Variants in RGS12 observed in about 807,000 individuals in gnomAD.
RGS12 encodes the protein regulator of G-protein signaling 12.
In RGS12, 66 loss-of-function variants were observed where a neutral mutation model predicts 120.1. The ratio of observed to expected loss-of-function variants is 0.55; its 90% CI spans 0.45 to 0.67. The LOEUF is 0.67. RGS12 is among the 30% of genes least tolerant of loss of function. The pLI, the probability that RGS12 is intolerant of heterozygous loss-of-function variation, is 0.00. For missense variants in RGS12, 1,859 were observed against 1,957.7 expected (o/e 0.95, Z 0.95); for synonymous variants, 827 against 804.7 (o/e 1.03, Z -0.47).
At chr4:3,412,368 A>G (rs1721832180) in intron 4 of RGS12, among the ~76,000 whole-genome samples, 3 of 152,356 alleles carry the variant, frequency 2.0e-5, no homozygotes, top group Admixed American at 6.5e-5. Flanking sequence ...ACGTCTGCAG[A>G]CTGGGCTGAA....
intron 3 of RGS12, among the ~76,000 whole-genome samples, chr4:3,350,041 G>A (rs1714214408): frequency 1.3e-5 from 2 of 152,152 alleles, no homozygotes; most frequent in Admixed American, 6.5e-5. Flanking sequence ...TATAGAAAAA[G>A]CTAGTCTTCA....
chr4:3,324,397 C>A, intron 2 of RGS12: 1 of 221,734 alleles, frequency 4.5e-6, no homozygotes, highest in South Asian at 5.8e-5. Flanking sequence ...GTGGGGATGT[C>A]CCCTGTGCCA....
intron 3 of RGS12, among the ~76,000 whole-genome samples, chr4:3,381,225 A>G (rs1018280281): frequency 8.5e-5 from 13 of 152,146 alleles, no homozygotes; most frequent in African/African-American, 2.9e-4. Flanking sequence ...CGTTGTCCAT[A>G]TCACTGTCAG....
Position 3,428,081 on chromosome 4 carries a change from T to TA in RGS12, c.3332-8dup. 1 of 1,612,502 alleles carries TA rather than the reference T, an allele frequency of 6.2e-7. No homozygotes were observed. The highest frequency in any genetic ancestry group is 8.5e-7 in the Non-Finnish European group (1 of 1,178,794). The stretch of plus-strand genomic sequence containing the variant: ...AGTCCCTGAAGTCATAAAGCTTTCT[T>TA]ATGTTTAGCATCCGCAGATAAACAG... On this transcript the variant is annotated splice_polypyrimidine_tract_variant and intron_variant, in intron 14 of 17. Transcript: ENST00000336727.
At chr4:3,425,622 C>A in intron 14 of RGS12, 62 bp downstream of exon 14, 1 of 987,358 alleles carries the variant, frequency 1.0e-6, no homozygotes, top group Non-Finnish European at 1.4e-6. Flanking sequence ...GGGGAGGGGG[C>A]TATGGAGCCG....
chr4:3,308,469 C>T (rs1197492299), intron 1 of RGS12, among the ~76,000 whole-genome samples: 4 of 152,202 alleles, frequency 2.6e-5, no homozygotes, highest in Non-Finnish European at 5.9e-5. Flanking sequence ...TGGAGCGGGG[C>T]TAGCGATTCG....
rs751687925 is a variant in RGS12 at position 3,428,223 on chromosome 4, G to A, written c.3411+54G>A. ...CCCTGCTCCTCTCGCTGTGGCCCCC[G>A]CCTGCCCTGCGCAGTGCCCTGGTGC... On this transcript the variant is annotated intron_variant, in intron 15 of 17. Coordinates refer to ENST00000336727, the MANE Select transcript of RGS12 (RefSeq NM_001394154.1). The A allele has an allele frequency of 4.2e-6, 6 of 1,444,960 alleles. No homozygotes were observed. The African/African-American group carries it at 7.1e-5, about 17-fold the overall frequency. 89.5% of individuals were successfully genotyped at this position (1,444,960 alleles called of 1,614,324 possible).
At chr4:3,368,638 GT>G (rs1340966514) in intron 3 of RGS12, among the ~76,000 whole-genome samples, 1 of 116,110 alleles carries the variant, frequency 8.6e-6, no homozygotes, top group Non-Finnish European at 1.8e-5. Context: ...ATGTGTGTGT[GT>G]GGTACGTGTG....
At chr4:3,416,486 G>A (rs569999627) in intron 7 of RGS12, among the ~76,000 whole-genome samples, 2 of 152,316 alleles carry the variant, frequency 1.3e-5, no homozygotes, top group African/African-American at 4.8e-5. Flanking sequence ...TGGGCATTAG[G>A]CCCCAGGCTA....
chr4:3,420,819 G>C lies in RGS12; in HGVS notation c.2838+101G>C, dbSNP rs938517264. On this transcript the variant is annotated intron_variant, in intron 10 of 17. Coordinates refer to ENST00000336727, the MANE Select transcript of RGS12 (RefSeq NM_001394154.1). ...TGGAAACCTGTGTTTACAAAACTCA[G>C]CGTTCACTTTGTAAAGCTGGGGGAC... The C allele has an allele frequency of 1.7e-4, 177 of 1,056,196 alleles. 1 individual carries two copies. Among genetic ancestry groups the C allele is most frequent in the Non-Finnish European group, 1.8e-4 (127 of 721,790 alleles). The allele number at this position is 1,056,196 out of a possible 1,614,324, so 65.4% of individuals were successfully genotyped here.
intron 3 of RGS12, among the ~76,000 whole-genome samples, chr4:3,382,654 C>T (rs1718385731): frequency 6.6e-6 from 1 of 152,048 alleles, no homozygotes; most frequent in African/African-American, 2.4e-5. Flanking sequence ...CTCTCTCTCT[C>T]TCCTCCTTAT....
In RGS12 at chr4:3,430,645, C is replaced by T. The variant is rs116296265; in HGVS notation, c.3804C>T (p.Ser1268=). The change falls in exon 17 of 18, where the codon AGC becomes AGT. Residue 1268 remains serine, a synonymous_variant. Coordinates refer to ENST00000336727, the MANE Select transcript of RGS12 (RefSeq NM_001394154.1). ...AGTGGGAGCCAGTCCAGGAGAGCAG[C>T]GACAGCCCGTCCACCAGCCCGGGCT... ...GEQWEPVQES[S]DSPSTSPGSA... The T allele has an allele frequency of 1.2e-3, 1,857 of 1,599,404 alleles. 22 individuals carry two copies. In the African/African-American group the frequency reaches 0.022, roughly 19 times the overall value.
chr4:3,430,986 G>GC (rs777840811), intron 17 of RGS12, 31 bp downstream of exon 17: 2 of 1,605,958 alleles, frequency 1.2e-6, no homozygotes, highest in Admixed American at 3.3e-5. Context: ...CTCCACCTTG[G>GC]CCCCGTAAGC....
chr4:3,299,263 G>T (rs374192111), intron 1 of RGS12, among the ~76,000 whole-genome samples: 1 of 151,968 alleles, frequency 6.6e-6, no homozygotes, highest in Admixed American at 6.6e-5. Context: ...CAGATCTCAC[G>T]ACTGCCTCTT....
intron 2 of RGS12, among the ~76,000 whole-genome samples, chr4:3,341,051 A>G (rs965911173): frequency 4.0e-5 from 6 of 151,086 alleles, no homozygotes; most frequent in African/African-American, 1.5e-4. Context: ...GTGGGGGCCC[A>G]GTGGTGGCGT....
chr4:3,399,867 G>C (rs1201769415), intron 4 of RGS12, among the ~76,000 whole-genome samples: 7 of 152,164 alleles, frequency 4.6e-5, no homozygotes. Flanking sequence ...CTTTGTTTTT[G>C]TTCTAAGTGT....
At chr4:3,335,169 T>A (rs1712302892) in intron 2 of RGS12, among the ~76,000 whole-genome samples, 1 of 152,224 alleles carries the variant, frequency 6.6e-6, no homozygotes, top group African/African-American at 2.4e-5. Context: ...AATATTCATC[T>A]TTTTCTTTCT....
intron 1 of RGS12, among the ~76,000 whole-genome samples, chr4:3,297,001 C>G (rs1254853163): frequency 6.6e-6 from 1 of 152,232 alleles, no homozygotes; most frequent in African/African-American, 2.4e-5. Flanking sequence ...CTAGATTCTT[C>G]CATGAAGGAG....
Position 3,366,375 on chromosome 4 carries a change from C to T in RGS12, c.1999-20041C>T, listed in dbSNP as rs920738744. On this transcript the variant is annotated intron_variant, in intron 3 of 17. Coordinates refer to ENST00000336727, the MANE Select transcript of RGS12 (RefSeq NM_001394154.1). The surrounding 1 kb of genome is among the most constrained non-coding windows in gnomAD (Gnocchi z 4.0). ...CACACCTGGGCCTTTGGCTTGGCGA[C>T]CAGAGGCCTCCAGGGTTAAGAGCAG... 2.0e-5 allele frequency among the ~76,000 whole-genome samples: 3 copies of T among 152,064 alleles called. No individual in the cohort carries two copies. Among genetic ancestry groups the T allele is most frequent in the Non-Finnish European group, 2.9e-5 (2 of 68,000 alleles).
Sources: allele counts gnomAD v4.1 joint callset (sites outside exome capture counted in the v4.1 genomes callset), GRCh38; gene constraint gnomAD v4.1.1; non-coding constraint Gnocchi (gnomAD v3.1); transcripts MANE v1.5; gene names NCBI Gene and HGNC (gene_info 2026-07-23, HGNC 2026-07-21).